PAGE2B: variants seen among roughly 807,000 people sequenced by gnomAD.
PAGE2B encodes putative G antigen family E member 3.
A neutral mutation model predicts 7.6 loss-of-function variants in PAGE2B; 5 were observed. The ratio of observed to expected loss-of-function variants is 0.66; its 90% CI spans 0.34 to 1.38. PAGE2B has a LOEUF of 1.38. Among genes scored for constraint, PAGE2B ranks in the 40% most tolerant of loss-of-function variants. The pLI is 0.04. For synonymous variants in PAGE2B, 29 were observed against 26.7 expected (o/e 1.09, Z -0.27); for missense variants, 70 against 78.4 (o/e 0.89, Z 0.41).
chrX:55,056,083 G>T, the PAGE2B span, among the ~76,000 whole-genome samples: 5 of 111,626 alleles, frequency 4.5e-5, no homozygotes, highest in African/African-American at 1.6e-4. Context: ...ATGAGTATGA[G>T]TAGAGACACC....
chrX:55,035,776 T>G, the PAGE2B span, among the ~76,000 whole-genome samples: 1 of 112,249 alleles, frequency 8.9e-6, no homozygotes, highest in Admixed American at 9.5e-5. Flanking sequence ...TACTTTATAG[T>G]GTTTTTATGA....
At chrX:55,051,770 C>T in the PAGE2B span, among the ~76,000 whole-genome samples, 11 of 111,366 alleles carry the variant, frequency 9.9e-5, no homozygotes, top group South Asian at 7.7e-4. Flanking sequence ...TCCTTTAGCT[C>T]GGAGTAGTTT....
chrX:55,071,152 T>G (rs895499745), upstream of PAGE2B, among the ~76,000 whole-genome samples: 1 of 111,593 alleles, frequency 9.0e-6, no homozygotes, highest in South Asian at 3.7e-4. Context: ...GATTAGTTTT[T>G]TTTGTTTGTT....
At chrX:55,044,843 C>G in the PAGE2B span, 5 of 112,153 alleles carry the variant, frequency 4.5e-5, no homozygotes, top group African/African-American at 1.6e-4. Flanking sequence ...GATGCATAAT[C>G]AGGCCTGAGG....
the PAGE2B span, among the ~76,000 whole-genome samples, chrX:55,049,264 T>C: frequency 9.0e-6 from 1 of 111,618 alleles, no homozygotes; most frequent in African/African-American, 3.2e-5. Context: ...GGTCTAAAAT[T>C]CTCTTTTTTT....
the PAGE2B span, among the ~76,000 whole-genome samples, chrX:55,029,732 A>G: frequency 8.9e-6 from 1 of 112,095 alleles, no homozygotes; most frequent in African/African-American, 3.2e-5. Context: ...ATGTGTGATA[A>G]TGCTTGCCAG....
chrX:55,050,023 G>T, the PAGE2B span, among the ~76,000 whole-genome samples: 1 of 111,995 alleles, frequency 8.9e-6, no homozygotes, highest in Non-Finnish European at 1.9e-5. Flanking sequence ...GTTCTCATTG[G>T]TTTCAAAGAC....
the PAGE2B span, among the ~76,000 whole-genome samples, chrX:55,062,808 CT>C: frequency 9.0e-6 from 1 of 111,439 alleles, no homozygotes; most frequent in African/African-American, 3.3e-5. Context: ...TAGTTTCATT[CT>C]TTTGCATGTG....
the PAGE2B span, among the ~76,000 whole-genome samples, chrX:55,043,229 A>G: frequency 1.8e-5 from 2 of 112,134 alleles, no homozygotes; most frequent in Non-Finnish European, 3.8e-5. Context: ...TGAAACCATA[A>G]AAATTGTACA....
rs1379849489 is a variant in PAGE2B at position 55,075,051 on chromosome X, G to T, written c.-72G>T. ...CCGCCTTCTGTCCACACACAGCTCTGCAAGGAGAGTGTCTTCATTCTTTCC... is the reference window on the plus strand; with the variant it reads ...CCGCCTTCTGTCCACACACAGCTCTTCAAGGAGAGTGTCTTCATTCTTTCC... On this transcript the variant is annotated 5_prime_UTR_variant, in exon 1 of 5. Coordinates refer to ENST00000374971, the MANE Select transcript of PAGE2B (RefSeq NM_001015038.3). 1 of 117,636 alleles carries T rather than the reference G, an allele frequency of 8.5e-6. No homozygotes were observed. The highest frequency in any genetic ancestry group is 1.8e-5 in the Non-Finnish European group (1 of 56,440). 9.7% of individuals were successfully genotyped at this position (117,636 alleles called of 1,213,427 possible).
At chrX:55,067,131 C>T in the PAGE2B span, among the ~76,000 whole-genome samples, 4 of 110,247 alleles carry the variant, frequency 3.6e-5, no homozygotes, top group Non-Finnish European at 7.6e-5. Flanking sequence ...TAGGTATACA[C>T]GTGCCATGGT....
chrX:55,034,151 T>A, the PAGE2B span, among the ~76,000 whole-genome samples: 1 of 111,980 alleles, frequency 8.9e-6, no homozygotes, highest in Admixed American at 9.5e-5. Flanking sequence ...AGCATCTCTC[T>A]CCTTCATTAG....
chrX:55,038,471 C>T, the PAGE2B span, among the ~76,000 whole-genome samples: 2 of 111,879 alleles, frequency 1.8e-5, no homozygotes, highest in Non-Finnish European at 3.8e-5. Flanking sequence ...TTAGACCTAG[C>T]ATATATTTAC....
the PAGE2B span, among the ~76,000 whole-genome samples, chrX:55,049,932 G>C: frequency 3.3e-4 from 37 of 111,779 alleles, no homozygotes; most frequent in South Asian, 0.011. Flanking sequence ...CCTGCTTTCT[G>C]TTGTGGGCAT....
the PAGE2B span, among the ~76,000 whole-genome samples, chrX:55,029,727 T>C: frequency 1.3e-4 from 15 of 112,124 alleles, no homozygotes; most frequent in African/African-American, 4.2e-4. Flanking sequence ...ACCTAATGTG[T>C]GATAATGCTT....
Position 55,076,501 on chromosome X carries a change from C to T in PAGE2B, c.85-68C>T, listed in dbSNP as rs113269012. On this transcript the variant is annotated intron_variant, in intron 2 of 4. Coordinates refer to ENST00000374971, the MANE Select transcript of PAGE2B (RefSeq NM_001015038.3). ...GAAAAATGTCTTTAGATGTGTGATT[C>T]GATGCACATATGCATTTGTGTATTT... 0.014 allele frequency: 13,004 copies of T among 960,956 alleles called. 594 individuals are homozygous for T. In the African/African-American group the frequency reaches 0.2, roughly 15 times the overall value. 79.2% of individuals were successfully genotyped at this position (960,956 alleles called of 1,213,427 possible).
the PAGE2B span, among the ~76,000 whole-genome samples, chrX:55,060,324 G>A: frequency 4.4e-3 from 485 of 111,286 alleles, no homozygotes; most frequent in Middle Eastern, 0.046. Context: ...TCTAATGGGT[G>A]TGAGGTGATA....
At chrX:55,036,728 G>A in the PAGE2B span, among the ~76,000 whole-genome samples, 1 of 109,214 alleles carries the variant, frequency 9.2e-6, no homozygotes, top group African/African-American at 3.5e-5. Context: ...ACAGAACAGA[G>A]CCCTCAGAAA....
At chrX:55,050,631 C>T in the PAGE2B span, among the ~76,000 whole-genome samples, 4 of 109,922 alleles carry the variant, frequency 3.6e-5, no homozygotes, top group Admixed American at 2.9e-4. Context: ...GGATTGCAAC[C>T]CCTGCCTTTT....
Sources: gnomAD v4.1 joint callset for allele counts (sites outside exome capture counted in the v4.1 genomes callset) on GRCh38, gnomAD v4.1.1 for gene constraint, MANE v1.5 for transcripts, NCBI Gene and HGNC (gene_info 2026-07-23, HGNC 2026-07-21) for gene names.